Variants in LSAMP observed in about 807,000 individuals in gnomAD.
LSAMP encodes limbic system associated membrane protein.
A neutral mutation model predicts 38.6 loss-of-function variants in LSAMP; 7 were observed. That is an observed-to-expected ratio of 0.18 (90% CI 0.10 to 0.34). The LOEUF is 0.34. Ranked by LOEUF, LSAMP falls within the 10% of genes least tolerant of loss-of-function variation. The probability of loss-of-function intolerance (pLI) is 1.00; values close to 1 mark genes in which losing one functional copy is unlikely to be tolerated. For synonymous variants in LSAMP, 154 were observed against 166.8 expected (o/e 0.92, Z 0.59); for missense variants, 313 against 420.0 (o/e 0.75, Z 2.23).
chr3:115,953,950 G>T lies in LSAMP; in HGVS notation c.514+65565C>A, dbSNP rs141534172. On this transcript the variant is annotated intron_variant, in intron 3 of 6. Coordinates refer to ENST00000490035, the MANE Select transcript of LSAMP (RefSeq NM_002338.5). ...AGGTCAAATGTCTCGTTCTGTAAGA[G>T]GCCATCCTTGTCCTCCTTAGCTAAA... Among the ~76,000 whole-genome samples, 357 of 152,238 alleles carry T rather than the reference G, an allele frequency of 2.3e-3. 1 individual carries two copies. Among genetic ancestry groups the T allele is most frequent in the African/African-American group, 8.1e-3 (335 of 41,532 alleles).
intron 1 of LSAMP, among the ~76,000 whole-genome samples, chr3:116,336,149 G>A (rs2047917175): frequency 6.6e-6 from 1 of 151,906 alleles, no homozygotes; most frequent in African/African-American, 2.4e-5. Context: ...ACATAAAATT[G>A]TAAAGGTCTT....
intron 1 of LSAMP, among the ~76,000 whole-genome samples, chr3:116,103,721 A>G (rs1049792467): frequency 2.4e-4 from 36 of 152,154 alleles, no homozygotes; most frequent in African/African-American, 7.7e-4. Context: ...ACCTTGTGCC[A>G]TGTCACACGA....
intron 1 of LSAMP, among the ~76,000 whole-genome samples, chr3:116,424,827 G>T (rs1031048889): frequency 6.6e-6 from 1 of 152,086 alleles, no homozygotes; most frequent in Non-Finnish European, 1.5e-5. Context: ...AAAACTTTGG[G>T]AGTGTGCCAT....
intron 3 of LSAMP, among the ~76,000 whole-genome samples, chr3:115,989,073 G>A (rs554630726): frequency 2.0e-5 from 3 of 150,730 alleles, no homozygotes; most frequent in East Asian, 1.9e-4. Context: ...TAAATGAGTC[G>A]TTCACAGGAT....
chr3:116,221,844 A>AGTGTGTGTGTGTGTGTGTGTGTGT (rs58596077), intron 1 of LSAMP, among the ~76,000 whole-genome samples: 5 of 145,368 alleles, frequency 3.4e-5, no homozygotes. Flanking sequence ...CCTAAAAAGA[A>AGTGTGTGTGTGTGTGTGTGTGTGT]GTGTGTGTGT....
At chr3:116,040,991 A>G (rs1441102606) in intron 2 of LSAMP, among the ~76,000 whole-genome samples, 1 of 152,196 alleles carries the variant, frequency 6.6e-6, no homozygotes, top group African/African-American at 2.4e-5. Flanking sequence ...TGGTGTGATT[A>G]CAGCTCACTA....
intron 1 of LSAMP, among the ~76,000 whole-genome samples, chr3:116,276,078 A>T (rs2107676308): frequency 6.6e-6 from 1 of 152,326 alleles, no homozygotes; most frequent in South Asian, 2.1e-4. Context: ...GCACTAATTG[A>T]TTTGATGGAT....
intron 2 of LSAMP, among the ~76,000 whole-genome samples, chr3:116,084,369 G>A (rs1295774471): frequency 1.3e-5 from 2 of 150,036 alleles, no homozygotes; most frequent in African/African-American, 2.4e-5. Context: ...AAAAAAAAGA[G>A]GAACATTGGG....
At chr3:116,212,306 T>C (rs1357044878) in intron 1 of LSAMP, among the ~76,000 whole-genome samples, 4 of 152,178 alleles carry the variant, frequency 2.6e-5, no homozygotes, top group African/African-American at 9.7e-5. Flanking sequence ...ATTTTAAAGA[T>C]GCTAAAGGTG....
chr3:116,202,990 T>C (rs2046008375), intron 1 of LSAMP, among the ~76,000 whole-genome samples: 1 of 152,242 alleles, frequency 6.6e-6, no homozygotes, highest in Non-Finnish European at 1.5e-5. Flanking sequence ...GTATTGATTT[T>C]GTGTCCAACC....
intron 1 of LSAMP, among the ~76,000 whole-genome samples, chr3:116,164,356 T>C (rs974064423): frequency 6.6e-6 from 1 of 151,562 alleles, no homozygotes; most frequent in Non-Finnish European, 1.5e-5. Context: ...GACTCCATCA[T>C]GTAAGAGTTG....
chr3:116,025,493 C>T (rs1402876629), intron 2 of LSAMP, among the ~76,000 whole-genome samples: 1 of 151,972 alleles, frequency 6.6e-6, no homozygotes, highest in African/African-American at 2.4e-5. Flanking sequence ...TCTTCCATTG[C>T]TTTTGTGCAT....
chr3:116,348,952 T>G (rs2048100345), intron 1 of LSAMP, among the ~76,000 whole-genome samples: 1 of 152,162 alleles, frequency 6.6e-6, no homozygotes, highest in Admixed American at 6.6e-5. Context: ...TGTATAATTT[T>G]TAGGAAAGCA....
intron 1 of LSAMP, among the ~76,000 whole-genome samples, chr3:116,209,671 A>G (rs2046126883): frequency 1.3e-5 from 2 of 152,140 alleles, no homozygotes; most frequent in Non-Finnish European, 2.9e-5. Context: ...AACAGTGATC[A>G]ATGACTTGGC....
intron 3 of LSAMP, among the ~76,000 whole-genome samples, chr3:115,901,826 A>G (rs1268873186): frequency 6.6e-6 from 1 of 152,314 alleles, no homozygotes; most frequent in East Asian, 1.9e-4. Flanking sequence ...ACAAGTAAAG[A>G]ACATAGATTC....
intron 1 of LSAMP, among the ~76,000 whole-genome samples, chr3:116,350,987 A>G (rs76453976): frequency 0.03 from 4,535 of 152,082 alleles, 94 homozygotes; most frequent in South Asian, 0.083. Flanking sequence ...GTCTTGAAAC[A>G]TTTCTTCCAC....
At chr3:115,899,341 C>G (rs1936810964) in intron 3 of LSAMP, among the ~76,000 whole-genome samples, 1 of 151,812 alleles carries the variant, frequency 6.6e-6, no homozygotes, top group African/African-American at 2.4e-5. Flanking sequence ...CACTGCCTTC[C>G]TAGGAAACAC....
chr3:116,106,018 G>A (rs545114285), intron 1 of LSAMP, among the ~76,000 whole-genome samples: 22 of 151,794 alleles, frequency 1.4e-4, no homozygotes, highest in African/African-American at 2.7e-4. Context: ...AACATTTGTC[G>A]TATAGAATGA....
At chr3:115,877,094 G>A (rs1936201215) in intron 3 of LSAMP, among the ~76,000 whole-genome samples, 1 of 152,140 alleles carries the variant, frequency 6.6e-6, no homozygotes, top group South Asian at 2.1e-4. Flanking sequence ...TGCTCGATCT[G>A]CCAATATTTT....
Sources: gnomAD v4.1 joint callset for allele counts (sites outside exome capture counted in the v4.1 genomes callset) on GRCh38, gnomAD v4.1.1 for gene constraint, MANE v1.5 for transcripts, NCBI Gene and HGNC (gene_info 2026-07-23, HGNC 2026-07-21) for gene names.